Variants in CADM2 observed in about 807,000 individuals in gnomAD.
CADM2 encodes cell adhesion molecule 2.
Under a neutral mutation model 49.8 loss-of-function variants are expected in CADM2, and 12 were observed. The ratio of observed to expected loss-of-function variants is 0.24; its 90% CI spans 0.15 to 0.39. The LOEUF is 0.39. Ranked by LOEUF, CADM2 falls within the 10% of genes least tolerant of loss-of-function variation. The pLI, the probability that CADM2 is intolerant of heterozygous loss-of-function variation, is 1.00. For missense variants in CADM2, 378 were observed against 492.3 expected (o/e 0.77, Z 2.20); for synonymous variants, 214 against 175.4 (o/e 1.22, Z -1.74).
chr3:86,042,147 G>A lies in CADM2; in HGVS notation c.971-23458G>A, dbSNP rs189499746. On this transcript the variant is annotated intron_variant, in intron 8 of 9. Transcript: ENST00000383699. ...AGCAGGAAAGATCTAAAATTGACAC[G>A]CTAACATCACAATTAAAAGAACTAG... Among the ~76,000 whole-genome samples, 359 of 152,054 alleles carry A rather than the reference G, an allele frequency of 2.4e-3. 1 individual carries two copies. The highest frequency in any genetic ancestry group is 7.5e-3 in the African/African-American group (313 of 41,472).
At chr3:85,713,282 G>T (rs2067174658) in intron 1 of CADM2, among the ~76,000 whole-genome samples, 1 of 152,018 alleles carries the variant, frequency 6.6e-6, no homozygotes, top group African/African-American at 2.4e-5. Context: ...GTATTTTTTA[G>T]TAGAGATGGC....
intron 8 of CADM2, among the ~76,000 whole-genome samples, chr3:86,000,582 C>A (rs1730055106): frequency 6.6e-6 from 1 of 151,462 alleles, no homozygotes; most frequent in South Asian, 2.1e-4. Context: ...ATATGAGGGA[C>A]TTGAGTAAGA....
chr3:85,766,027 A>G (rs1559641553), intron 2 of CADM2, among the ~76,000 whole-genome samples: 1 of 152,134 alleles, frequency 6.6e-6, no homozygotes, highest in African/African-American at 2.4e-5. Flanking sequence ...TCTAAATGGC[A>G]TGCAACTACT....
intron 1 of CADM2, among the ~76,000 whole-genome samples, chr3:85,039,290 G>A (rs141302411): frequency 1.6e-4 from 25 of 152,106 alleles, no homozygotes; most frequent in African/African-American, 6.0e-4. Context: ...ATACCTGGCT[G>A]TAATAAGATT....
intron 1 of CADM2, among the ~76,000 whole-genome samples, chr3:85,429,777 G>A (rs995805533): frequency 6.6e-6 from 1 of 152,084 alleles, no homozygotes; most frequent in Non-Finnish European, 1.5e-5. Flanking sequence ...ACATCCATTG[G>A]TCAAATCTGA....
intron 1 of CADM2, among the ~76,000 whole-genome samples, chr3:85,719,201 A>G (rs2067411161): frequency 6.6e-6 from 1 of 152,198 alleles, no homozygotes; most frequent in Non-Finnish European, 1.5e-5. Flanking sequence ...TGTTGCACAT[A>G]TTGTAAGTAA....
At chr3:85,979,093 A>G (rs1577847595) in intron 8 of CADM2, 1 of 1,533,042 alleles carries the variant, frequency 6.5e-7, no homozygotes, top group Non-Finnish European at 8.9e-7. Context: ...TGTATTTATA[A>G]TTTGAATCAT....
intron 1 of CADM2, among the ~76,000 whole-genome samples, chr3:85,675,529 G>T (rs191974007): frequency 1.3e-5 from 2 of 152,114 alleles, no homozygotes; most frequent in Non-Finnish European, 2.9e-5. Flanking sequence ...ATCTGTATGG[G>T]TACTGTGATG....
At chr3:85,100,076 AGT>A (rs1306262996) in intron 1 of CADM2, among the ~76,000 whole-genome samples, 1 of 152,028 alleles carries the variant, frequency 6.6e-6, no homozygotes, top group African/African-American at 2.4e-5. Flanking sequence ...TTACACTTTC[AGT>A]GTCTCTGTTG....
At chr3:85,614,098 A>C (rs1195964683) in intron 1 of CADM2, among the ~76,000 whole-genome samples, 1 of 151,774 alleles carries the variant, frequency 6.6e-6, no homozygotes, top group African/African-American at 2.4e-5. Context: ...ATATAAAGAT[A>C]ATAATACACA....
intron 1 of CADM2, among the ~76,000 whole-genome samples, chr3:85,301,946 G>A (rs566342744): frequency 9.0e-4 from 137 of 152,070 alleles, no homozygotes; most frequent in South Asian, 6.6e-3. Flanking sequence ...TTTTGTATGC[G>A]TAGCTTTTCT....
chr3:85,850,592 TG>T (rs2108290608), intron 3 of CADM2, among the ~76,000 whole-genome samples: 1 of 152,226 alleles, frequency 6.6e-6, no homozygotes, highest in South Asian at 2.1e-4. Context: ...CCTCCCAAAG[TG>T]CTGGGATTAC....
rs539958274 is a variant in CADM2 at position 85,696,775 on chromosome 3, G to A, written c.62-29747G>A. 1.9e-3 allele frequency among the ~76,000 whole-genome samples: 291 copies of A among 151,928 alleles called. 1 individual carries two copies. The highest frequency in any genetic ancestry group is 6.7e-3 in the African/African-American group (278 of 41,490). The stretch of plus-strand genomic sequence containing the variant: ...TGGTATCTACTAAGACATTATTATA[G>A]ATAAGAATTACAACATTTTGTGTCT... On this transcript the variant is annotated intron_variant, in intron 1 of 9. Transcript: ENST00000383699.
chr3:85,317,440 G>A (rs1045517162), intron 1 of CADM2, among the ~76,000 whole-genome samples: 16 of 152,122 alleles, frequency 1.1e-4, no homozygotes, highest in African/African-American at 3.9e-4. Flanking sequence ...AGCCATTTCG[G>A]TCTGTTTTGT....
At chr3:85,633,184 A>G (rs1031662482) in intron 1 of CADM2, among the ~76,000 whole-genome samples, 1 of 152,048 alleles carries the variant, frequency 6.6e-6, no homozygotes, top group East Asian at 1.9e-4. Context: ...TTACTGAGTA[A>G]TATTTGTGGC....
chr3:86,004,168 C>T (rs989705926), intron 8 of CADM2, among the ~76,000 whole-genome samples: 11 of 147,638 alleles, frequency 7.5e-5, no homozygotes, highest in African/African-American at 2.4e-4. Context: ...AAACAAAAAA[C>T]GAAGAGTTTC....
At chr3:85,190,892 G>C (rs964419031) in intron 1 of CADM2, among the ~76,000 whole-genome samples, 1 of 152,076 alleles carries the variant, frequency 6.6e-6, no homozygotes, top group African/African-American at 2.4e-5. Flanking sequence ...CAATTAATTA[G>C]TGAAGTACAT....
chr3:85,122,469 T>C (rs868231322), intron 1 of CADM2, among the ~76,000 whole-genome samples: 1 of 152,078 alleles, frequency 6.6e-6, no homozygotes, highest in Non-Finnish European at 1.5e-5. Flanking sequence ...TTACTCTCCC[T>C]ATCACTTAAA....
intron 6 of CADM2, among the ~76,000 whole-genome samples, chr3:85,928,158 ATTTT>A (rs11328574): frequency 1.5e-5 from 2 of 130,634 alleles, no homozygotes. Flanking sequence ...TAAAAGAAGA[ATTTT>A]TTTTTTTTTT....
Sources: gnomAD v4.1 joint callset for allele counts (sites outside exome capture counted in the v4.1 genomes callset) on GRCh38, gnomAD v4.1.1 for gene constraint, MANE v1.5 for transcripts, NCBI Gene and HGNC (gene_info 2026-07-23, HGNC 2026-07-21) for gene names.